Variants in ZNF10 observed in about 807,000 individuals in gnomAD.
ZNF10 encodes zinc finger protein 10, also known as zinc finger protein 10 (KOX 1).
ZNF10 carries 8 observed loss-of-function variants against 12.2 expected under a neutral mutation model. The observed-to-expected ratio is 0.66, with a 90% CI of 0.39 to 1.18. The LOEUF (loss-of-function observed/expected upper bound fraction) is 1.18. ZNF10 is among the 50% of genes most tolerant of loss of function. The pLI is 0.01. For synonymous variants in ZNF10, 229 were observed against 228.2 expected (o/e 1.00, Z -0.03); for missense variants, 603 against 678.9 (o/e 0.89, Z 1.24).
chr12:133,143,435 T>G (rs1354883271), intron 1 of ZNF10: 1 of 152,028 alleles, frequency 6.6e-6, no homozygotes, highest in African/African-American at 2.4e-5. Flanking sequence ...ATATGGCTCT[T>G]TAAAAAAAAG....
Position 133,156,053 on chromosome 12 carries a change from A to C in ZNF10, c.807A>C (p.Glu269Asp). Residue 269 changes from glutamate (E) to aspartate (D), a missense_variant, in exon 5 of 5, where the codon GAA (glutamate) becomes GAC (aspartate). Transcript: ENST00000248211. The stretch of plus-strand genomic sequence containing the variant: ...GAGAGAAACCCTATGAATGTAAGGA[A>C]TGTGGAAAATTCTTCAGCTGGCGCT... ...IHREKPYECK[E>D]CGKFFSWRSN... 2 of 1,613,526 alleles carry C rather than the reference A, an allele frequency of 1.2e-6. No homozygotes were observed. The highest frequency in any genetic ancestry group is 2.2e-5 in the South Asian group (2 of 91,066).
At chr12:133,133,876 G>A (rs565839324) in intron 1 of ZNF10, among the ~76,000 whole-genome samples, 2 of 152,170 alleles carry the variant, frequency 1.3e-5, no homozygotes, top group South Asian at 2.1e-4. Context: ...CCCAGCACCT[G>A]GGAATATTTT....
chr12:133,144,252 T>C (rs1222850904), intron 1 of ZNF10, 182 bp from the exon 2 acceptor site: 1 of 377,968 alleles, frequency 2.6e-6, no homozygotes, highest in Non-Finnish European at 4.7e-6. Flanking sequence ...TTTATGTAGC[T>C]CTTCTCTTCC....
chr12:133,131,249 T>A (rs1024942711), intron 1 of ZNF10, among the ~76,000 whole-genome samples: 1 of 151,910 alleles, frequency 6.6e-6, no homozygotes, highest in African/African-American at 2.4e-5. Flanking sequence ...ACTGAAGGCG[T>A]GTTTGTGTGG....
At position 133,152,374 on chromosome 12, in the gene ZNF10, A is replaced by G. The variant is rs190035837; in HGVS notation, c.256+470A>G. Among the ~76,000 whole-genome samples the G allele has an allele frequency of 5.9e-5, 9 of 152,190 alleles. No homozygotes were observed. In the East Asian group the frequency reaches 1.5e-3, roughly 26 times the overall value. ...GCCTCAACTCTCCTTCCTTTCCAGA[A>G]TGGCTGCTCACAGAAACACCAGTTT... On this transcript the variant is annotated intron_variant, in intron 4 of 4. Transcript: ENST00000248211.
At chr12:133,152,510 G>A (rs1305069336) in intron 4 of ZNF10, among the ~76,000 whole-genome samples, 1 of 152,088 alleles carries the variant, frequency 6.6e-6, no homozygotes, top group African/African-American at 2.4e-5. Flanking sequence ...CGCCTCCCAG[G>A]TTTAAGCGAT....
chr12:133,131,310 ATTT>A (rs1384216554), intron 1 of ZNF10, among the ~76,000 whole-genome samples: 8 of 145,172 alleles, frequency 5.5e-5, no homozygotes, highest in Non-Finnish European at 9.1e-5. Flanking sequence ...TAATTACTAT[ATTT>A]TTATTTTCCC....
In ZNF10 at chr12:133,156,533, A is replaced by G. The variant is rs1956043016; in HGVS notation, c.1287A>G (p.Gly429=). The G allele has an allele frequency of 6.2e-7, 1 of 1,613,892 alleles. No homozygotes were observed. Among genetic ancestry groups the G allele is most frequent in the African/African-American group, 1.3e-5 (1 of 74,942 alleles). The change falls in exon 5 of 5, where the codon GGA becomes GGG. Residue 429 remains glycine (G), a synonymous_variant. Coordinates refer to ENST00000248211, the MANE Select transcript of ZNF10 (RefSeq NM_015394.5). ...TTGTGCATCATAGAATTCACACTGG[A>G]CTAAAACCTTTTGAGTGTAAGGATT... ...HLVVHHRIHT[G]LKPFECKDCG... is the part of the protein sequence containing the mutation.
chr12:133,147,754 T>C (rs575255976), intron 2 of ZNF10, among the ~76,000 whole-genome samples: 1 of 151,968 alleles, frequency 6.6e-6, no homozygotes, highest in South Asian at 2.1e-4. Context: ...TAGCTGGGAC[T>C]ACAGGTGCAT....
intron 2 of ZNF10, among the ~76,000 whole-genome samples, chr12:133,145,812 C>G (rs545069127): frequency 2.5e-4 from 34 of 137,814 alleles, no homozygotes; most frequent in African/African-American, 4.7e-4. Flanking sequence ...CCCACCCCCC[C>G]ACCCCCACAA....
At chr12:133,150,463 A>G (rs1454783079) in intron 2 of ZNF10, among the ~76,000 whole-genome samples, 1 of 152,156 alleles carries the variant, frequency 6.6e-6, no homozygotes, top group East Asian at 1.9e-4. Flanking sequence ...CTCTAGATAC[A>G]ATCAACACTT....
chr12:133,144,980 T>G (rs898845268), intron 2 of ZNF10: 1 of 375,508 alleles, frequency 2.7e-6, no homozygotes, highest in African/African-American at 2.2e-5. Context: ...CCTCCCAGGT[T>G]CAAGTGATTC....
At chr12:133,140,580 T>C (rs1322340551) in intron 1 of ZNF10, among the ~76,000 whole-genome samples, 1 of 152,150 alleles carries the variant, frequency 6.6e-6, no homozygotes, top group Non-Finnish European at 1.5e-5. Flanking sequence ...TAATGTATTT[T>C]GTCTGTTTTG....
intron 4 of ZNF10, among the ~76,000 whole-genome samples, chr12:133,154,303 G>A (rs1056686079): frequency 5.9e-5 from 9 of 152,202 alleles, no homozygotes; most frequent in Non-Finnish European, 1.0e-4. Flanking sequence ...TACACAGGTA[G>A]CAGATGGCAG....
rs1390291465 is a variant in ZNF10 at position 133,158,616 on chromosome 12, A to C, written c.*1648A>C. ...TTTTAATTTTCTCTTTCATTCTATA[A>C]ATCAGTCTGTTGTATATAGGGACTG... On this transcript the variant is annotated 3_prime_UTR_variant, in exon 5 of 5. Coordinates refer to ENST00000248211, the MANE Select transcript of ZNF10 (RefSeq NM_015394.5). The C allele has an allele frequency of 6.6e-6, 1 of 152,170 alleles. No individual in the cohort carries two copies. Among genetic ancestry groups the C allele is most frequent in the African/African-American group, 2.4e-5 (1 of 41,432 alleles). The allele number at this position is 152,170 out of a possible 1,614,324, so 9.4% of individuals were successfully genotyped here.
At chr12:133,148,750 GGTTTTT>G (rs1436052918) in intron 2 of ZNF10, among the ~76,000 whole-genome samples, 1 of 137,408 alleles carries the variant, frequency 7.3e-6, no homozygotes, top group Non-Finnish European at 1.6e-5. Context: ...ATTCAATGTT[GGTTTTT>G]TTTTTTTTTT....
chr12:133,155,980 A>G lies in ZNF10; in HGVS notation c.734A>G (p.Asn245Ser). ...DKSYKCPDND[N>S]SLTHGSSLGI... ...TCCTACAAATGCCCTGATAATGACA[A>G]CTCTCTTACTCATGGTTCATCTCTT... is the stretch of plus-strand genomic sequence containing the variant. Residue 245 changes from asparagine to serine, a missense_variant, in exon 5 of 5, where the codon AAC (asparagine) becomes AGC (serine). Physicochemically the swap from Asn to Ser is conservative, Grantham distance 46. Around this residue, in one of 3 missense-constraint regions of ZNF10, gnomAD observed 393 missense variants for 399.7 expected, o/e 0.98. Coordinates refer to ENST00000248211, the MANE Select transcript of ZNF10 (RefSeq NM_015394.5). 1.2e-6 allele frequency: 2 copies of G among 1,613,946 alleles called. No homozygotes were observed. The highest frequency in any genetic ancestry group is 1.1e-5 in the South Asian group (1 of 91,080).
chr12:133,138,952 A>T (rs1955928772), intron 1 of ZNF10, among the ~76,000 whole-genome samples: 1 of 152,232 alleles, frequency 6.6e-6, no homozygotes, highest in Admixed American at 6.5e-5. Context: ...CATCCATACA[A>T]AGTACATATA....
chr12:133,156,495 A>G lies in ZNF10; in HGVS notation c.1249A>G (p.Arg417Gly). 6.2e-7 allele frequency: 1 copy of G among 1,614,074 alleles called. No individual in the cohort carries two copies. The highest frequency in any genetic ancestry group is 8.5e-7 in the Non-Finnish European group (1 of 1,179,970). Residue 417 changes from arginine to glycine, a missense_variant, in exon 5 of 5, where the codon AGA becomes GGA. By Grantham distance (125) the Arg-to-Gly change is moderately radical. Coordinates refer to ENST00000248211, the MANE Select transcript of ZNF10 (RefSeq NM_015394.5). ...TGAATGTGGAAAGTCTTACAGCCAG[A>G]GATCTCACCTTGTTGTGCATCATAG... is the stretch of plus-strand genomic sequence containing the variant. ...CNECGKSYSQ[R>G]SHLVVHHRIH...
Sources: gnomAD v4.1 joint callset for allele counts (sites outside exome capture counted in the v4.1 genomes callset) on GRCh38, gnomAD v4.1.1 for gene constraint, gnomAD v4.1.1 regional missense constraint, MANE v1.5 for transcripts, NCBI Gene and HGNC (gene_info 2026-07-23, HGNC 2026-07-21) for gene names.